The following PCDH15 variants were observed in gnomAD, a reference collection of about 807,000 sequenced individuals.
PCDH15 encodes the protein protocadherin-15.
PCDH15 carries 129 observed loss-of-function variants against 178.5 expected under a neutral mutation model. The observed-to-expected ratio is 0.72, with a 90% confidence interval of 0.63 to 0.84. The LOEUF (loss-of-function observed/expected upper bound fraction) is 0.84, where lower values mean the gene tolerates loss of function less well. Among genes scored for constraint, PCDH15 ranks in the 40% least tolerant of loss-of-function variants. The pLI, the probability that PCDH15 is intolerant of heterozygous loss-of-function variation, is 0.00. For missense variants in PCDH15, 2,230 were observed against 2,099.9 expected, an observed-to-expected ratio of 1.06 and a Z score of -1.21; for synonymous variants, 800 against 732.0, an observed-to-expected ratio of 1.09 and a Z score of -1.50.
intron 3 of PCDH15, among the ~76,000 whole-genome samples, chr10:54,499,307 C>T (rs1565432484): frequency 1.3e-5 from 2 of 152,104 alleles, no homozygotes; most frequent in Non-Finnish European, 2.9e-5. Context: ...AGAGTCAACA[C>T]TTGACCAAAT....
At position 54,752,495 on chromosome 10, in the gene PCDH15, AAAACAAAAAAC is replaced by A. The variant is rs1566127610; in HGVS notation, c.-29+48419_-29+48429del. On this transcript the variant is annotated intron_variant, in intron 1 of 37. Transcript: ENST00000644397. Reference sequence around the variant, plus strand: ...CCGTCTCAAAAAAAAAAAAAAACAAAAAACAAAAAACAAAAAACAAACAAACAAACAAACAA... The same window carrying A: ...CCGTCTCAAAAAAAAAAAAAAACAAAAAAAAACAAACAAACAAACAAACAA... Among the ~76,000 whole-genome samples, 65 of 105,222 alleles carry A rather than the reference AAAACAAAAAAC, an allele frequency of 6.2e-4. 5 individuals carry two copies. The highest frequency in any genetic ancestry group is 1.4e-3 in the South Asian group (5 of 3,526). The allele number at this position is 105,222 out of a possible 152,430, so 69.0% of individuals were successfully genotyped here.
intron 5 of PCDH15, among the ~76,000 whole-genome samples, chr10:54,361,873 T>C (rs1946103053): frequency 6.6e-6 from 1 of 152,128 alleles, no homozygotes; most frequent in African/African-American, 2.4e-5. Context: ...TCTTGCCTAA[T>C]GTATGTATAC....
chr10:55,119,872 A>G (rs1216377116), intron 2 of PCDH15, among the ~76,000 whole-genome samples: 1 of 152,224 alleles, frequency 6.6e-6, no homozygotes, highest in Non-Finnish European at 1.5e-5. Flanking sequence ...GGAGAGACTT[A>G]GTATATATGT....
intron 2 of PCDH15, among the ~76,000 whole-genome samples, chr10:55,514,987 A>ACT (rs1840976919): frequency 1.7e-5 from 2 of 120,242 alleles, no homozygotes; most frequent in Admixed American, 1.8e-4. Flanking sequence ...AGATAGATAG[A>ACT]TTTTTTTTTT....
chr10:55,018,661 G>T (rs1327008652), intron 2 of PCDH15, among the ~76,000 whole-genome samples: 2 of 152,192 alleles, frequency 1.3e-5, no homozygotes, highest in South Asian at 2.1e-4. Flanking sequence ...ACTATTTGAA[G>T]AAACTTTTTA....
chr10:55,258,038 T>C (rs1328354827), intron 1 of PCDH15, among the ~76,000 whole-genome samples: 1 of 152,196 alleles, frequency 6.6e-6, no homozygotes, highest in African/African-American at 2.4e-5. Context: ...GCAGAAACTC[T>C]ACAAGTCTTT....
In PCDH15 at chr10:55,316,960, G is replaced by A. The variant is rs1349475496; in HGVS notation, c.-156+2639C>T. Reference sequence around the variant, plus strand: ...ATCTGACTAGATTCTAAATCTCAACGTTTCTAAACAGAATTTAGCATCTTT... The same window carrying A: ...ATCTGACTAGATTCTAAATCTCAACATTTCTAAACAGAATTTAGCATCTTT... On this transcript the variant is annotated intron_variant, in intron 1 of 5. Transcript: ENST00000458638. Among the ~76,000 whole-genome samples, 9 of 152,034 alleles carry A rather than the reference G, an allele frequency of 5.9e-5. No homozygotes were observed. The South Asian group carries it at 8.3e-4, about 14-fold the overall frequency.
chr10:54,940,083 G>GT (rs1202700818), intron 2 of PCDH15, among the ~76,000 whole-genome samples: 2 of 152,026 alleles, frequency 1.3e-5, no homozygotes, highest in South Asian at 2.1e-4. Flanking sequence ...TTTAAGTTTA[G>GT]TTTTTTCCTT....
At chr10:55,555,679 T>C (rs1209569005) in intron 2 of PCDH15, among the ~76,000 whole-genome samples, 1 of 152,242 alleles carries the variant, frequency 6.6e-6, no homozygotes, top group Non-Finnish European at 1.5e-5. Context: ...TCTTTGAACT[T>C]CTGCAATCTT....
chr10:55,587,403 G>C (rs1165890895), intron 2 of PCDH15, among the ~76,000 whole-genome samples: 1 of 133,138 alleles, frequency 7.5e-6, no homozygotes, highest in Non-Finnish European at 1.5e-5. Flanking sequence ...AGTATTATTA[G>C]TAAGAAAAGT....
At chr10:53,976,499 ACT>A (rs1439359973) in intron 21 of PCDH15, among the ~76,000 whole-genome samples, 1 of 151,886 alleles carries the variant, frequency 6.6e-6, no homozygotes, top group Non-Finnish European at 1.5e-5. Flanking sequence ...TGCCTGTAAG[ACT>A]CTTGCATCAT....
chr10:55,421,545 T>C (rs1051358203), intron 2 of PCDH15, among the ~76,000 whole-genome samples: 40 of 150,404 alleles, frequency 2.7e-4, no homozygotes, highest in African/African-American at 9.7e-4. Context: ...ACTAATAACA[T>C]ATCTGGAATT....
chr10:55,346,501 G>C (rs1025666059), intron 2 of PCDH15, among the ~76,000 whole-genome samples: 1 of 152,004 alleles, frequency 6.6e-6, no homozygotes, highest in African/African-American at 2.4e-5. Context: ...ATTTATCATA[G>C]AATGAAACCT....
At chr10:54,764,758 G>C (rs1176832793) in intron 1 of PCDH15, among the ~76,000 whole-genome samples, 1 of 152,076 alleles carries the variant, frequency 6.6e-6, no homozygotes, top group Non-Finnish European at 1.5e-5. Context: ...ATATGTCAGG[G>C]AAGTGAAGAC....
intron 1 of PCDH15, among the ~76,000 whole-genome samples, chr10:54,723,428 C>A (rs1941972360): frequency 6.6e-6 from 1 of 151,632 alleles, no homozygotes; most frequent in South Asian, 2.1e-4. Flanking sequence ...AACATAAGAC[C>A]AGAAACTATA....
intron 2 of PCDH15, among the ~76,000 whole-genome samples, chr10:55,057,588 T>A (rs1189407032): frequency 6.6e-6 from 1 of 152,174 alleles, no homozygotes. Flanking sequence ...ATGGTTGCAG[T>A]GTTCTCAGAA....
At chr10:55,174,605 T>G (rs1839427874) in intron 1 of PCDH15, among the ~76,000 whole-genome samples, 1 of 152,184 alleles carries the variant, frequency 6.6e-6, no homozygotes, top group African/African-American at 2.4e-5. Flanking sequence ...CTAGCCCTCC[T>G]AGTGGTCATC....
intron 2 of PCDH15, among the ~76,000 whole-genome samples, chr10:55,477,852 G>A (rs1840094181): frequency 6.6e-6 from 1 of 151,804 alleles, no homozygotes; most frequent in Non-Finnish European, 1.5e-5. Context: ...GGCCTGACTG[G>A]TACTATGTAC....
intron 2 of PCDH15, among the ~76,000 whole-genome samples, chr10:55,106,613 A>G (rs1383984758): frequency 2.6e-5 from 4 of 152,056 alleles, no homozygotes; most frequent in African/African-American, 9.7e-5. Flanking sequence ...ACGGGGTTTC[A>G]CCATGTTGGC....
Sources: allele counts gnomAD v4.1 joint callset (sites outside exome capture counted in the v4.1 genomes callset), GRCh38; gene constraint gnomAD v4.1.1; transcripts MANE v1.5; gene names NCBI Gene and HGNC (gene_info 2026-07-23, HGNC 2026-07-21).